Variants in NCOR1 observed in about 807,000 individuals in gnomAD.
The protein encoded by NCOR1 is protein phosphatase 1, regulatory subunit 109.
NCOR1 carries 63 observed loss-of-function variants against 288.1 expected under a neutral mutation model. That is an observed-to-expected ratio of 0.22 (90% CI 0.18 to 0.27). The LOEUF is 0.27. Ranked by LOEUF, NCOR1 falls within the 10% of genes least tolerant of loss-of-function variation. The pLI is 1.00. For missense variants in NCOR1, 2,397 were observed against 3,019.2 expected (o/e 0.79, Z 4.83); for synonymous variants, 1,007 against 1,065.9 (o/e 0.94, Z 1.08).
rs964518704 is a variant in NCOR1 at position 16,071,593 on chromosome 17, G to A, written c.3968C>T (p.Pro1323Leu). Reference protein sequence around the residue: ...KYPKQIKRESPPIRAFEGAIT... With the variant: ...KYPKQIKRESLPIRAFEGAIT... ...GGCACCTTCAAATGCTCGTATGGGA[G>A]GACTTTCCCTTTTAATTTGTTTGGG... The change falls in exon 30 of 46, where the codon CCT (proline) becomes CTT (leucine). Residue 1323 changes from proline to leucine, a missense_variant. Physicochemically the swap from Pro to Leu is moderately conservative, Grantham distance 98. Coordinates refer to ENST00000268712, the MANE Select transcript of NCOR1 (RefSeq NM_006311.4). The A allele has an allele frequency of 1.2e-6, 2 of 1,614,056 alleles. No individual in the cohort carries two copies. Among genetic ancestry groups the A allele is most frequent in the Non-Finnish European group, 1.7e-6 (2 of 1,180,006 alleles).
chr17:16,050,910 T>C (rs974563646), intron 40 of NCOR1, among the ~76,000 whole-genome samples: 9 of 152,082 alleles, frequency 5.9e-5, no homozygotes, highest in African/African-American at 1.9e-4. Flanking sequence ...CACTGCTTAC[T>C]GCAGCCTCAA....
At chr17:16,111,154 C>T (rs963410033) in intron 18 of NCOR1, among the ~76,000 whole-genome samples, 1 of 152,204 alleles carries the variant, frequency 6.6e-6, no homozygotes, top group Non-Finnish European at 1.5e-5. Context: ...GGTCCTTTCA[C>T]TAGTAACTAG....
intron 19 of NCOR1, among the ~76,000 whole-genome samples, chr17:16,106,528 A>G (rs73981453): frequency 0.077 from 11,785 of 152,142 alleles, 677 homozygotes; most frequent in African/African-American, 0.17. Flanking sequence ...TCTTCTAATC[A>G]TGAAAGATAC....
intron 18 of NCOR1, among the ~76,000 whole-genome samples, chr17:16,113,683 A>G (rs2070843958): frequency 6.6e-6 from 1 of 152,138 alleles, no homozygotes; most frequent in Admixed American, 6.5e-5. Flanking sequence ...ACTTGAGGCC[A>G]GGAGCTGAAG....
intron 22 of NCOR1, 193 bp downstream of exon 22, chr17:16,091,670 G>A: frequency 7.2e-7 from 1 of 1,398,334 alleles, no homozygotes; most frequent in Non-Finnish European, 9.3e-7. Flanking sequence ...AAATGTTACT[G>A]GCATCCTTTA....
chr17:16,183,248 AAAG>A (rs2085905569), intron 3 of NCOR1, among the ~76,000 whole-genome samples: 1 of 150,328 alleles, frequency 6.7e-6, no homozygotes, highest in South Asian at 2.1e-4. Context: ...AAAAAAAAGA[AAAG>A]AAAAAAAAGA....
intron 22 of NCOR1, chr17:16,091,488 G>T: frequency 1.2e-6 from 1 of 862,488 alleles, no homozygotes; most frequent in Non-Finnish European, 1.4e-6. Flanking sequence ...TCATCTACCA[G>T]AGAATGTGAA....
At chr17:16,095,740 G>A (rs1322396244) in intron 21 of NCOR1, among the ~76,000 whole-genome samples, 1 of 125,710 alleles carries the variant, frequency 8.0e-6, no homozygotes, top group Non-Finnish European at 1.7e-5. Flanking sequence ...CGCCCCGTCT[G>A]GGAGGTGAGG....
intron 3 of NCOR1, among the ~76,000 whole-genome samples, chr17:16,183,388 T>C (rs1483224728): frequency 6.7e-6 from 1 of 149,584 alleles, no homozygotes; most frequent in African/African-American, 2.4e-5. Flanking sequence ...TTAGAATAAA[T>C]GAATCCAGTA....
intron 2 of NCOR1, among the ~76,000 whole-genome samples, 182 bp downstream of exon 2, chr17:16,194,280 A>T (rs1025796402): frequency 9.9e-6 from 1 of 101,168 alleles, no homozygotes; most frequent in African/African-American, 4.2e-5. Flanking sequence ...ATCAGCATAA[A>T]GCCACAGTAA....
rs561727065 is a variant in NCOR1, at chr17:16,139,884, G to C, written c.1174-698C>G. ...AAGTATTTACCCAAATATAAGAAAA[G>C]GTATTTCCCTAAAAATTTTCCTCAT... On this transcript the variant is annotated intron_variant, in intron 11 of 45. Coordinates refer to ENST00000268712, the MANE Select transcript of NCOR1 (RefSeq NM_006311.4). Among the ~76,000 whole-genome samples, 3 of 152,180 alleles carry C rather than the reference G, an allele frequency of 2.0e-5. No individual in the cohort carries two copies. The South Asian group carries it at 6.2e-4, about 32-fold the overall frequency.
chr17:16,044,818 T>C (rs1030284741), intron 42 of NCOR1: 1 of 1,088,810 alleles, frequency 9.2e-7, no homozygotes, highest in African/African-American at 1.6e-5. Context: ...TAGGGGCTGG[T>C]GGACCTGCTC....
chr17:16,099,112 C>T (rs2067153896), intron 20 of NCOR1, among the ~76,000 whole-genome samples: 1 of 152,194 alleles, frequency 6.6e-6, no homozygotes, highest in Non-Finnish European at 1.5e-5. Flanking sequence ...GAAATCAGCA[C>T]TCCCCAACAG....
intron 1 of NCOR1, among the ~76,000 whole-genome samples, chr17:16,195,181 G>A (rs190046426): frequency 2.0e-5 from 3 of 152,202 alleles, no homozygotes; most frequent in Admixed American, 2.0e-4. Flanking sequence ...AGCAAATAAA[G>A]AAAAAGAAGG....
intron 21 of NCOR1, among the ~76,000 whole-genome samples, chr17:16,097,192 G>A (rs2066789718): frequency 6.6e-6 from 1 of 152,210 alleles, no homozygotes; most frequent in Admixed American, 6.5e-5. Context: ...GGGGCCTCTA[G>A]ATTGCCTCAG....
intron 38 of NCOR1, 167 bp downstream of exon 38, chr17:16,058,304 A>AT (rs2060160000): frequency 2.0e-6 from 2 of 991,324 alleles, no homozygotes; most frequent in Admixed American, 3.0e-5. Flanking sequence ...TTTCTGTATC[A>AT]TTAAAAAATA....
At chr17:16,123,381 T>C (rs2073393694) in intron 15 of NCOR1, among the ~76,000 whole-genome samples, 1 of 152,146 alleles carries the variant, frequency 6.6e-6, no homozygotes, top group South Asian at 2.1e-4. Context: ...CTCAACACCT[T>C]AGTACCCCAA....
At chr17:16,054,586 C>T (rs927336913) in intron 40 of NCOR1, among the ~76,000 whole-genome samples, 1 of 151,812 alleles carries the variant, frequency 6.6e-6, no homozygotes, top group African/African-American at 2.4e-5. Flanking sequence ...GACATATATG[C>T]AGCCAAGAAG....
chr17:16,110,278 C>A (rs2069764691), intron 18 of NCOR1, among the ~76,000 whole-genome samples: 1 of 152,066 alleles, frequency 6.6e-6, no homozygotes, highest in African/African-American at 2.4e-5. Context: ...ATCGCTTGAG[C>A]CCAAAAGGCT....
Sources: gnomAD v4.1 joint callset for allele counts (sites outside exome capture counted in the v4.1 genomes callset) on GRCh38, gnomAD v4.1.1 for gene constraint, MANE v1.5 for transcripts, NCBI Gene and HGNC (gene_info 2026-07-23, HGNC 2026-07-21) for gene names.